PARVA: variants seen among roughly 807,000 people sequenced by gnomAD.
The protein encoded by PARVA is alpha-parvin.
In PARVA, 25 loss-of-function variants were observed where a neutral mutation model predicts 52.6. The ratio of observed to expected loss-of-function variants is 0.48; its 90% CI spans 0.35 to 0.66. PARVA has a LOEUF of 0.66. Ranked by LOEUF, PARVA falls within the 30% of genes least tolerant of loss-of-function variation. The pLI, the probability that PARVA is intolerant of heterozygous loss-of-function variation, is 0.01. For missense variants in PARVA, 373 were observed against 450.9 expected, an observed-to-expected ratio of 0.83 and a Z score of 1.56; for synonymous variants, 185 against 179.1, an observed-to-expected ratio of 1.03 and a Z score of -0.26.
At chr11:12,420,222 G>A (rs1225134449) in intron 1 of PARVA, among the ~76,000 whole-genome samples, 1 of 152,118 alleles carries the variant, frequency 6.6e-6, no homozygotes, top group African/African-American at 2.4e-5. Flanking sequence ...TTCCTAATAG[G>A]CATTTATTGT....
At chr11:12,431,159 CCCT>C (rs1425479253) in intron 1 of PARVA, among the ~76,000 whole-genome samples, 1 of 152,188 alleles carries the variant, frequency 6.6e-6, no homozygotes, top group Non-Finnish European at 1.5e-5. Context: ...CCCCCAATAC[CCCT>C]GCCAGTGTTT....
At chr11:12,496,400 AGTAG>A in intron 4 of PARVA, 54 bp from the exon 5 acceptor site, 1 of 1,499,542 alleles carries the variant, frequency 6.7e-7, no homozygotes. Flanking sequence ...AAGTGCATGC[AGTAG>A]GGTTGTCTGG....
At chr11:12,454,441 A>G (rs1049397858) in intron 1 of PARVA, among the ~76,000 whole-genome samples, 1 of 152,164 alleles carries the variant, frequency 6.6e-6, no homozygotes, top group African/African-American at 2.4e-5. Context: ...TTGCTACATT[A>G]GTTGAATATT....
intron 1 of PARVA, among the ~76,000 whole-genome samples, chr11:12,456,885 A>G (rs1017715295): frequency 5.3e-5 from 8 of 152,192 alleles, no homozygotes; most frequent in Admixed American, 3.9e-4. Flanking sequence ...ACCTGGGAAC[A>G]TTGGTCAGCA....
intron 12 of PARVA, among the ~76,000 whole-genome samples, chr11:12,527,243 G>C (rs933130302): frequency 2.0e-4 from 30 of 151,736 alleles, no homozygotes; most frequent in Admixed American, 2.0e-3. Context: ...GAAGATCCGG[G>C]GGCACGGAAG....
Position 12,528,770 on chromosome 11 carries a change from G to A in PARVA, c.*845G>A, listed in dbSNP as rs1195376207. 1.3e-5 allele frequency: 2 copies of A among 152,614 alleles called. No homozygotes were observed. The highest frequency in any genetic ancestry group is 2.4e-5 in the African/African-American group (1 of 41,450). 9.5% of individuals were successfully genotyped at this position (152,614 alleles called of 1,614,324 possible). Reference sequence around the variant, plus strand: ...ATAGTGTGTGTGTGGCAGGAGTCATGTCCCTCACATCCTTTGTACAAATGA... The same window carrying A: ...ATAGTGTGTGTGTGGCAGGAGTCATATCCCTCACATCCTTTGTACAAATGA... On this transcript the variant is annotated 3_prime_UTR_variant, in exon 13 of 13. Transcript: ENST00000334956.
At chr11:12,428,053 G>C (rs560409296) in intron 1 of PARVA, among the ~76,000 whole-genome samples, 1 of 152,180 alleles carries the variant, frequency 6.6e-6, no homozygotes, top group Non-Finnish European at 1.5e-5. Flanking sequence ...TCACTATTGG[G>C]ACAGGGCTCA....
intron 1 of PARVA, among the ~76,000 whole-genome samples, chr11:12,471,759 C>T (rs953104159): frequency 2.9e-4 from 44 of 152,188 alleles, no homozygotes; most frequent in African/African-American, 1.0e-3. Flanking sequence ...AGCTACGGAG[C>T]GGAATTTTTA....
At chr11:12,511,604 G>A in intron 8 of PARVA, 71 bp downstream of exon 8, 1 of 1,493,458 alleles carries the variant, frequency 6.7e-7, no homozygotes, top group Non-Finnish European at 9.3e-7. Context: ...GCAGCAGCTG[G>A]GAGGAACAGG....
chr11:12,451,009 C>T (rs1728196201), intron 1 of PARVA, among the ~76,000 whole-genome samples: 1 of 152,164 alleles, frequency 6.6e-6, no homozygotes, highest in Admixed American at 6.5e-5. Context: ...AATATGTTAC[C>T]AGCTATCTAG....
chr11:12,453,028 C>T (rs1278166563), intron 1 of PARVA: 2 of 456,258 alleles, frequency 4.4e-6, no homozygotes, highest in Admixed American at 4.7e-5. Flanking sequence ...ACTTTGCCCT[C>T]AAGGTAGGTC....
chr11:12,448,479 G>A (rs1214182704), intron 1 of PARVA, among the ~76,000 whole-genome samples: 1 of 152,196 alleles, frequency 6.6e-6, no homozygotes, highest in Non-Finnish European at 1.5e-5. Context: ...CCAGACATTG[G>A]GTAAGGGTGC....
intron 9 of PARVA, 123 bp downstream of exon 9, chr11:12,513,483 C>A: frequency 2.3e-6 from 2 of 856,602 alleles, no homozygotes; most frequent in Non-Finnish European, 4.1e-6. Context: ...CCTCTGCACA[C>A]ACAGGGCTTT....
intron 1 of PARVA, among the ~76,000 whole-genome samples, chr11:12,452,291 A>T (rs999284523): frequency 6.6e-6 from 1 of 152,184 alleles, no homozygotes; most frequent in South Asian, 2.1e-4. Flanking sequence ...TCCTTAATGC[A>T]TGCCTAAGAT....
At chr11:12,513,088 C>G in intron 8 of PARVA, 3 of 685,628 alleles carry the variant, frequency 4.4e-6, no homozygotes, top group East Asian at 5.5e-5. Flanking sequence ...TACACATGCA[C>G]GGACACAGAC....
chr11:12,416,976 T>C (rs1313773296), intron 1 of PARVA, among the ~76,000 whole-genome samples: 1 of 152,204 alleles, frequency 6.6e-6, no homozygotes, highest in Admixed American at 6.5e-5. Context: ...TAAAATTGTG[T>C]ATCTTTTAAA....
chr11:12,433,559 TAAAAG>T (rs904671222), intron 1 of PARVA, among the ~76,000 whole-genome samples: 3 of 152,304 alleles, frequency 2.0e-5, no homozygotes, highest in African/African-American at 7.2e-5. Context: ...TAAAGAGAAA[TAAAAG>T]AGGCATTTCA....
chr11:12,522,418 A>AT (rs1554903711), intron 12 of PARVA, among the ~76,000 whole-genome samples: 5 of 76,270 alleles, frequency 6.6e-5, no homozygotes, highest in African/African-American at 2.3e-4. Context: ...CAAGAGCTTT[A>AT]TTCTTTTTTT....
At chr11:12,468,274 C>T (rs111612966) in intron 1 of PARVA, among the ~76,000 whole-genome samples, 7 of 152,302 alleles carry the variant, frequency 4.6e-5, no homozygotes, top group African/African-American at 1.4e-4. Flanking sequence ...AAACCTGTAT[C>T]ACCAGTGCTG....
Sources: allele counts gnomAD v4.1 joint callset (sites outside exome capture counted in the v4.1 genomes callset), GRCh38; gene constraint gnomAD v4.1.1; transcripts MANE v1.5; gene names NCBI Gene and HGNC (gene_info 2026-07-23, HGNC 2026-07-21).